The following IL1RAP variants were observed in gnomAD, a reference collection of about 807,000 sequenced individuals.
IL1RAP encodes interleukin 1 receptor accessory protein, also known as interleukin-1 receptor accessory protein.
A neutral mutation model predicts 60.7 loss-of-function variants in IL1RAP; 35 were observed. The observed-to-expected ratio is 0.58, with a 90% CI of 0.44 to 0.76. The LOEUF (loss-of-function observed/expected upper bound fraction) is 0.76. Ranked by LOEUF, IL1RAP falls within the 30% of genes least tolerant of loss-of-function variation. The pLI, the probability that IL1RAP is intolerant of heterozygous loss-of-function variation, is 0.00. For missense variants in IL1RAP, 572 were observed against 693.9 expected (o/e 0.82, Z 1.97); for synonymous variants, 268 against 250.9 (o/e 1.07, Z -0.64).
intron 6 of IL1RAP, among the ~76,000 whole-genome samples, chr3:190,621,969 A>G (rs967834270): frequency 7.0e-6 from 1 of 142,358 alleles, no homozygotes; most frequent in Non-Finnish European, 1.5e-5. Flanking sequence ...AAGAGCAGCA[A>G]TCTCATAAAC....
intron 9 of IL1RAP, among the ~76,000 whole-genome samples, chr3:190,636,849 G>A (rs1003322180): frequency 1.3e-5 from 2 of 151,576 alleles, no homozygotes; most frequent in African/African-American, 4.9e-5. Flanking sequence ...GCTATTTGTT[G>A]TCCACCTGTC....
intron 1 of IL1RAP, among the ~76,000 whole-genome samples, chr3:190,549,893 A>G (rs1169364832): frequency 6.6e-6 from 1 of 152,208 alleles, no homozygotes; most frequent in Non-Finnish European, 1.5e-5. Flanking sequence ...TTCAGGATGC[A>G]TTTAAAGGGG....
intron 5 of IL1RAP, among the ~76,000 whole-genome samples, chr3:190,611,758 T>C (rs1244203033): frequency 6.6e-6 from 1 of 152,168 alleles, no homozygotes; most frequent in African/African-American, 2.4e-5. Flanking sequence ...TAGATGTGTT[T>C]TGCATGGTTT....
intron 3 of IL1RAP, among the ~76,000 whole-genome samples, chr3:190,584,815 A>G (rs983271602): frequency 6.6e-6 from 1 of 152,176 alleles, no homozygotes; most frequent in Non-Finnish European, 1.5e-5. Flanking sequence ...TATTTTAAAA[A>G]TCTTGCTCCC....
intron 3 of IL1RAP, among the ~76,000 whole-genome samples, chr3:190,575,408 A>G (rs1318849344): frequency 6.6e-6 from 1 of 152,172 alleles, no homozygotes; most frequent in Non-Finnish European, 1.5e-5. Context: ...TAAGTAAACA[A>G]ATTTTTATAA....
chr3:190,582,510 G>C (rs1318464562), intron 3 of IL1RAP, among the ~76,000 whole-genome samples: 1 of 151,820 alleles, frequency 6.6e-6, no homozygotes, highest in Non-Finnish European at 1.5e-5. Context: ...TAGAGATAAG[G>C]TTTCACCATG....
chr3:190,649,530 G>A lies in IL1RAP; in HGVS notation c.*825G>A. 1.0e-6 allele frequency: 1 copy of A among 985,810 alleles called. No homozygotes were observed. The allele number at this position is 985,810 out of a possible 1,614,324, so 61.1% of individuals were successfully genotyped here. A position where few individuals can be genotyped will look rare whatever the true frequency, so the allele number is the denominator to read the frequency against. On this transcript the variant is annotated 3_prime_UTR_variant, in exon 12 of 12. Transcript: ENST00000447382. ...AAATCTCCTAATGGTGCTATAGAGA[G>A]GGAGGTAACAGAAAGACTCTTTTAG...
At chr3:190,580,397 TG>T (rs1460054993) in intron 3 of IL1RAP, among the ~76,000 whole-genome samples, 1 of 152,202 alleles carries the variant, frequency 6.6e-6, no homozygotes, top group East Asian at 1.9e-4. Flanking sequence ...TTTAATTATT[TG>T]GCAAAACTTC....
Position 190,628,449 on chromosome 3 carries a change from A to G in IL1RAP, c.903-901A>G, listed in dbSNP as rs9816924. Among the ~76,000 whole-genome samples the G allele has an allele frequency of 3.1e-3, 469 of 152,314 alleles. 4 individuals are homozygous for G. The highest frequency in any genetic ancestry group is 0.01 in the African/African-American group (429 of 41,578). On this transcript the variant is annotated intron_variant, in intron 8 of 11. Coordinates refer to ENST00000447382, the MANE Select transcript of IL1RAP (RefSeq NM_002182.4). ...GTGGCGTTAAGCTTAAGCAAAACCAATCAGAGCCCTTAACCAAATTCTCAT... is the reference window on the plus strand; with the variant it reads ...GTGGCGTTAAGCTTAAGCAAAACCAGTCAGAGCCCTTAACCAAATTCTCAT...
intron 2 of IL1RAP, among the ~76,000 whole-genome samples, chr3:190,557,809 A>G (rs1341830032): frequency 7.9e-5 from 12 of 152,200 alleles, no homozygotes; most frequent in African/African-American, 2.2e-4. Context: ...AATGCACTGT[A>G]ACATTAACTT....
At position 190,553,918 on chromosome 3, in the gene IL1RAP, G is replaced by A. The variant is rs527651185; in HGVS notation, c.-88-2212G>A. Reference sequence around the variant, plus strand: ...CTACTAAAAATACAAAAAATTAGCCGGGCGTAGTGGCGGGCGCCTGTAGTC... The same window carrying A: ...CTACTAAAAATACAAAAAATTAGCCAGGCGTAGTGGCGGGCGCCTGTAGTC... On this transcript the variant is annotated intron_variant, in intron 1 of 11. Transcript: ENST00000447382. Among the ~76,000 whole-genome samples the A allele has an allele frequency of 2.6e-5, 4 of 151,688 alleles. No homozygotes were observed. In the East Asian group the frequency reaches 7.8e-4, roughly 30 times the overall value.
chr3:190,625,431 G>A (rs1029000856), intron 7 of IL1RAP, among the ~76,000 whole-genome samples: 12 of 152,118 alleles, frequency 7.9e-5, no homozygotes, highest in African/African-American at 2.4e-4. Context: ...ATTCTGGAGC[G>A]AGGGGGCTAG....
At chr3:190,610,356 A>G (rs1730716370) in intron 5 of IL1RAP, among the ~76,000 whole-genome samples, 1 of 152,066 alleles carries the variant, frequency 6.6e-6, no homozygotes, top group Non-Finnish European at 1.5e-5. Flanking sequence ...AGAATTAGAA[A>G]TATCCAAAAA....
chr3:190,568,177 A>G (rs926289238), intron 3 of IL1RAP, among the ~76,000 whole-genome samples: 3 of 152,206 alleles, frequency 2.0e-5, no homozygotes, highest in Non-Finnish European at 2.9e-5. Context: ...TTTCAAAGTC[A>G]ACAGTTGACT....
Position 190,648,641 on chromosome 3 carries a change from A to T in IL1RAP, c.1649A>T (p.Lys550Ile). Residue 550 changes from lysine to isoleucine, a missense_variant, in exon 12 of 12, where the codon AAA becomes ATA. Coordinates refer to ENST00000447382, the MANE Select transcript of IL1RAP (RefSeq NM_002182.4). ...KQLQVAMPVK[K>I]SPRRSSSDEQ... Reference sequence around the variant, plus strand: ...CTGCAGGTGGCCATGCCAGTGAAGAAAAGTCCCAGGCGGTCTAGCAGTGAT... The same window carrying T: ...CTGCAGGTGGCCATGCCAGTGAAGATAAGTCCCAGGCGGTCTAGCAGTGAT... The T allele has an allele frequency of 6.2e-7, 1 of 1,614,170 alleles. No homozygotes were observed.
Position 190,640,658 on chromosome 3 carries a change from A to G in IL1RAP, c.1052-3590A>G, listed in dbSNP as rs185664084. ...AGTGGATGGCAAGGCTCCAACTGCA[A>G]TAATAAAGATGACGGAAATCACTCA... On this transcript the variant is annotated intron_variant, in intron 9 of 11. Coordinates refer to ENST00000447382, the MANE Select transcript of IL1RAP (RefSeq NM_002182.4). 4.6e-3 allele frequency among the ~76,000 whole-genome samples: 708 copies of G among 152,318 alleles called. 19 individuals carry two copies. The highest frequency in any genetic ancestry group is 0.031 in the Admixed American group (469 of 15,300).
intron 1 of IL1RAP, among the ~76,000 whole-genome samples, chr3:190,521,802 G>A (rs1035175453): frequency 1.3e-5 from 2 of 151,830 alleles, no homozygotes; most frequent in African/African-American, 4.8e-5. Context: ...TAGATGACTC[G>A]GTTAGGCACA....
intron 1 of IL1RAP, among the ~76,000 whole-genome samples, chr3:190,554,169 TG>T (rs1725186113): frequency 6.6e-6 from 1 of 151,884 alleles, no homozygotes; most frequent in African/African-American, 2.4e-5. Flanking sequence ...CCAAAGATGT[TG>T]TAGGACTTTC....
Position 190,529,617 on chromosome 3 carries a change from G to A in IL1RAP, c.-89+15398G>A, listed in dbSNP as rs367616575. Among the ~76,000 whole-genome samples the A allele has an allele frequency of 5.3e-4, 80 of 151,404 alleles. No individual in the cohort carries two copies. The East Asian group carries it at 9.8e-3, about 18-fold the overall frequency. On this transcript the variant is annotated intron_variant, in intron 1 of 11. Transcript: ENST00000447382. ...GGAGAATCACTTGAACCCGGGAGGC[G>A]GAGGTTGCAGTGAGCCGAGATCGCG... is the stretch of plus-strand genomic sequence containing the variant.
Sources: gnomAD v4.1 joint callset for allele counts (sites outside exome capture counted in the v4.1 genomes callset) on GRCh38, gnomAD v4.1.1 for gene constraint, MANE v1.5 for transcripts, NCBI Gene and HGNC (gene_info 2026-07-23, HGNC 2026-07-21) for gene names.